ABCA6: variants seen among roughly 807,000 people sequenced by gnomAD.
ABCA6 encodes the protein ATP-binding cassette sub-family A member 6.
A neutral mutation model predicts 191.2 loss-of-function variants in ABCA6; 164 were observed. The observed-to-expected ratio is 0.86, with a 90% CI of 0.76 to 0.98. The LOEUF (loss-of-function observed/expected upper bound fraction) is 0.98. Among genes scored for constraint, ABCA6 ranks in the 50% least tolerant of loss-of-function variants. The pLI is 0.00. For synonymous variants in ABCA6, 636 were observed against 647.7 expected (o/e 0.98, Z 0.27); for missense variants, 1,958 against 1,894.1 (o/e 1.03, Z -0.63).
chr17:69,113,508 G>A (rs2073474048), intron 14 of ABCA6, 110 bp downstream of exon 14: 16 of 1,557,740 alleles, frequency 1.0e-5, no homozygotes, highest in South Asian at 2.4e-5. Context: ...AACATAGCAG[G>A]TTCTCTCTTG....
intron 2 of ABCA6, among the ~76,000 whole-genome samples, chr17:69,138,039 C>T (rs78389117): frequency 9.2e-5 from 14 of 152,272 alleles, no homozygotes; most frequent in African/African-American, 3.1e-4. Context: ...ATTTCCTGGA[C>T]CACAGGATAT....
intron 11 of ABCA6, chr17:69,115,739 G>A: frequency 3.6e-6 from 1 of 279,114 alleles, no homozygotes; most frequent in East Asian, 6.2e-5. Flanking sequence ...AGTCTAATAT[G>A]GACCAAAGAA....
intron 36 of ABCA6, among the ~76,000 whole-genome samples, chr17:69,081,450 T>C (rs939510732): frequency 1.3e-5 from 2 of 152,186 alleles, no homozygotes; most frequent in Non-Finnish European, 2.9e-5. Context: ...AGGTTGGGAA[T>C]TAACCCCAAA....
intron 3 of ABCA6, 110 bp downstream of exon 3, chr17:69,137,186 T>C: frequency 9.8e-7 from 1 of 1,015,878 alleles, no homozygotes; most frequent in Non-Finnish European, 1.5e-6. Flanking sequence ...TTTTAGTACT[T>C]AAGTTATTAG....
At position 69,114,752 on chromosome 17, in the gene ABCA6, G is replaced by A; in HGVS notation, c.1782+10C>T. 1 of 1,597,696 alleles carries A rather than the reference G, an allele frequency of 6.3e-7. No homozygotes were observed. Among genetic ancestry groups the A allele is most frequent in the Non-Finnish European group, 8.5e-7 (1 of 1,172,482 alleles). On this transcript the variant is annotated intron_variant, in intron 13 of 38. Coordinates refer to ENST00000284425, the MANE Select transcript of ABCA6 (RefSeq NM_080284.3). ...TTGGCAGGTCAGTTAATCCAAGCAT[G>A]CCCTCCTACCTCTTGTTCCACTTCC... is the stretch of plus-strand genomic sequence containing the variant.
intron 23 of ABCA6, among the ~76,000 whole-genome samples, chr17:69,097,685 G>A (rs1242692118): frequency 6.6e-6 from 1 of 152,166 alleles, no homozygotes; most frequent in Admixed American, 6.5e-5. Flanking sequence ...TGAAGGTTTA[G>A]ACTAATTGGA....
chr17:69,109,532 G>A (rs1308192757), intron 17 of ABCA6: 1 of 152,142 alleles, frequency 6.6e-6, no homozygotes, highest in Admixed American at 6.6e-5. Context: ...GAGTAATCCT[G>A]CCTTATCTAC....
rs2072861144 is a variant in ABCA6, at chr17:69,088,694, C to T, written c.3607-436G>A. Among the ~76,000 whole-genome samples, 3 of 152,108 alleles carry T rather than the reference C, an allele frequency of 2.0e-5. No homozygotes were observed. The South Asian group carries it at 6.2e-4, about 32-fold the overall frequency. ...CTGAACTTATCACTGTGCTTAAAAC[C>T]CTCCAATGACTCCTCCTCCATCACT... On this transcript the variant is annotated intron_variant, in intron 27 of 38. Transcript: ENST00000284425.
intron 36 of ABCA6, among the ~76,000 whole-genome samples, chr17:69,081,768 A>G (rs983750921): frequency 6.6e-6 from 1 of 152,170 alleles, no homozygotes; most frequent in Non-Finnish European, 1.5e-5. Flanking sequence ...CAACCAAAAA[A>G]CCTCGGAATC....
chr17:69,112,353 G>T, intron 15 of ABCA6, 80 bp from the exon 16 acceptor site: 1 of 1,067,732 alleles, frequency 9.4e-7, no homozygotes, highest in Non-Finnish European at 1.4e-6. Flanking sequence ...AGGAGCCAAG[G>T]CTCAGAAGTG....
intron 22 of ABCA6, among the ~76,000 whole-genome samples, chr17:69,099,808 T>G (rs900500124): frequency 6.6e-6 from 1 of 152,240 alleles, no homozygotes; most frequent in Non-Finnish European, 1.5e-5. Context: ...TCTCAAGTAC[T>G]GTATATTTCA....
chr17:69,141,393 A>G (rs1235437483), intron 1 of ABCA6, among the ~76,000 whole-genome samples: 2 of 152,082 alleles, frequency 1.3e-5, no homozygotes, highest in Admixed American at 1.3e-4. Context: ...ATTAGCTTTA[A>G]AAGAAGCAAA....
At chr17:69,096,401 G>T in intron 24 of ABCA6, 48 bp from the exon 25 acceptor site, 1 of 1,102,708 alleles carries the variant, frequency 9.1e-7, no homozygotes, top group Non-Finnish European at 1.2e-6. Context: ...AAATATTACT[G>T]AGGGAAAAAT....
chr17:69,098,069 A>T, intron 22 of ABCA6, 42 bp from the exon 23 acceptor site: 2 of 1,368,840 alleles, frequency 1.5e-6, no homozygotes, highest in Non-Finnish European at 2.0e-6. Flanking sequence ...AATATTTGTT[A>T]AATGAAACAA....
chr17:69,130,818 A>T (rs946857551), intron 6 of ABCA6, among the ~76,000 whole-genome samples: 1 of 152,070 alleles, frequency 6.6e-6, no homozygotes, highest in Non-Finnish European at 1.5e-5. Flanking sequence ...AGCAGGCAGC[A>T]CCTCCAGTCT....
At position 69,134,620 on chromosome 17, in the gene ABCA6, T is replaced by A. The variant is rs1210117183; in HGVS notation, c.564+19A>T. On this transcript the variant is annotated intron_variant, in intron 5 of 38. Coordinates refer to ENST00000284425, the MANE Select transcript of ABCA6 (RefSeq NM_080284.3). ...AGTAGCTGACATTAATTAGTAGAACTTTTCAATCAAGCACTTACTTCTATA... is the reference window on the plus strand; with the variant it reads ...AGTAGCTGACATTAATTAGTAGAACATTTCAATCAAGCACTTACTTCTATA... 1.1e-5 allele frequency: 18 copies of A among 1,572,382 alleles called. No individual in the cohort carries two copies. Among genetic ancestry groups the A allele is most frequent in the Non-Finnish European group, 1.6e-5 (18 of 1,148,586 alleles).
Position 69,081,109 on chromosome 17 carries a change from T to A in ABCA6, c.4653A>T (p.Ala1551=), listed in dbSNP as rs2072622008. 6.2e-7 allele frequency: 1 copy of A among 1,604,692 alleles called. No individual in the cohort carries two copies. Among genetic ancestry groups the A allele is most frequent in the Non-Finnish European group, 8.5e-7 (1 of 1,175,514 alleles). ...AGGTCTGTGATAGAGGGTAAACGTC[T>A]GCCACGGGCAGCTTATAGGTTAACA... The part of the protein sequence containing the change: ...SSLLTYKLPV[A]DVYPLSQTFH... Residue 1551 remains alanine (A), a synonymous_variant, in exon 37 of 39, where the codon GCA becomes GCT. Coordinates refer to ENST00000284425, the MANE Select transcript of ABCA6 (RefSeq NM_080284.3).
intron 18 of ABCA6, 105 bp downstream of exon 18, chr17:69,107,591 A>G (rs1320695835): frequency 1.2e-6 from 1 of 830,610 alleles, no homozygotes; most frequent in Non-Finnish European, 1.9e-6. Flanking sequence ...ATTTGGAATG[A>G]AATCACATTT....
chr17:69,080,233 C>T (rs1262857409), intron 37 of ABCA6, among the ~76,000 whole-genome samples: 1 of 152,064 alleles, frequency 6.6e-6, no homozygotes, highest in African/African-American at 2.4e-5. Flanking sequence ...AAAATATTTA[C>T]TCATTTAATC....
Sources: gnomAD v4.1 joint callset for allele counts (sites outside exome capture counted in the v4.1 genomes callset) on GRCh38, gnomAD v4.1.1 for gene constraint, MANE v1.5 for transcripts, NCBI Gene and HGNC (gene_info 2026-07-23, HGNC 2026-07-21) for gene names.